The following RPS6KA2 variants were observed in gnomAD, a reference collection of about 807,000 sequenced individuals.
The protein encoded by RPS6KA2 is ribosomal protein S6 kinase alpha-2.
A neutral mutation model predicts 91.8 loss-of-function variants in RPS6KA2; 42 were observed. The observed-to-expected ratio is 0.46, with a 90% CI of 0.36 to 0.59. The LOEUF is 0.59. RPS6KA2 is among the 20% of genes least tolerant of loss of function. The pLI is 0.00. For missense variants in RPS6KA2, 798 were observed against 978.5 expected (o/e 0.82, Z 2.46); for synonymous variants, 414 against 393.6 (o/e 1.05, Z -0.61).
chr6:166,774,105 C>T (rs960818666), intron 2 of RPS6KA2, among the ~76,000 whole-genome samples: 1 of 152,240 alleles, frequency 6.6e-6, no homozygotes, highest in African/African-American at 2.4e-5. Flanking sequence ...CAGGCACCAT[C>T]GCTTTCACGG....
At chr6:166,838,595 G>C (rs982434851) in intron 2 of RPS6KA2, among the ~76,000 whole-genome samples, 2 of 152,124 alleles carry the variant, frequency 1.3e-5, no homozygotes, top group African/African-American at 4.8e-5. Context: ...AATCAGAATG[G>C]AACCAACAAG....
intron 1 of RPS6KA2, among the ~76,000 whole-genome samples, chr6:166,551,274 T>C (rs1181581605): frequency 6.6e-6 from 1 of 152,214 alleles, no homozygotes; most frequent in Non-Finnish European, 1.5e-5. Flanking sequence ...ATAAATGAGA[T>C]AATTGGGGCA....
intron 1 of RPS6KA2, among the ~76,000 whole-genome samples, chr6:166,609,551 A>T (rs571753389): frequency 2.0e-5 from 3 of 146,684 alleles, no homozygotes; most frequent in African/African-American, 7.6e-5. Flanking sequence ...CTTGTTGCCC[A>T]GGCTGGAGTG....
chr6:166,656,254 C>T (rs370457370), intron 2 of RPS6KA2, among the ~76,000 whole-genome samples: 1 of 120,292 alleles, frequency 8.3e-6, no homozygotes, highest in Non-Finnish European at 2.0e-5. Context: ...CTGGCGTTAG[C>T]GGTCTCTGAG....
intron 7 of RPS6KA2, among the ~76,000 whole-genome samples, chr6:166,499,090 C>T (rs1025077816): frequency 7.2e-5 from 11 of 152,120 alleles, no homozygotes; most frequent in Admixed American, 2.6e-4. Context: ...CAGAGTGTGG[C>T]GAACCTGCCC....
chr6:166,453,094 G>T (rs1171196638), intron 12 of RPS6KA2, among the ~76,000 whole-genome samples: 1 of 151,996 alleles, frequency 6.6e-6, no homozygotes, highest in East Asian at 1.9e-4. Context: ...CCAGCTGCTT[G>T]GGAGGCTGAG....
intron 2 of RPS6KA2, among the ~76,000 whole-genome samples, chr6:166,785,328 G>A (rs946066951): frequency 1.3e-5 from 2 of 152,176 alleles, no homozygotes; most frequent in African/African-American, 4.8e-5. Flanking sequence ...CAGTTCTGCC[G>A]GCCTCAGTCT....
chr6:166,432,213 G>A (rs571094989), intron 15 of RPS6KA2, among the ~76,000 whole-genome samples, 188 bp downstream of exon 15: 5 of 152,150 alleles, frequency 3.3e-5, no homozygotes, highest in East Asian at 1.9e-4. Context: ...TGACTGGGGC[G>A]GTGGCTGTCA....
Position 166,430,453 on chromosome 6 carries a change from C to T in RPS6KA2, c.1581G>A (p.Gly527=). 1.2e-6 allele frequency: 2 copies of T among 1,610,242 alleles called. No homozygotes were observed. Among genetic ancestry groups the T allele is most frequent in the South Asian group, 2.2e-5 (2 of 90,566 alleles). The change falls in exon 16 of 21, where the codon GGG becomes GGA. Residue 527 remains glycine (G), a splice_region_variant and synonymous_variant. Transcript: ENST00000265678. ...TKTMDYLHSQ[G]VVHRDLKPSN... ...AGGCTGCCCCAGGCATGGCTCCTAC[C>T]CCCTGGGAATGGAGGTAGTCCATGG... is the stretch of plus-strand genomic sequence containing the variant.
intron 3 of RPS6KA2, among the ~76,000 whole-genome samples, chr6:166,519,454 A>G (rs1286103590): frequency 6.6e-6 from 1 of 152,226 alleles, no homozygotes; most frequent in Non-Finnish European, 1.5e-5. Flanking sequence ...TTAGCCCTCT[A>G]TTTGTGGCCA....
chr6:166,578,123 C>A (rs1784895810), intron 1 of RPS6KA2, among the ~76,000 whole-genome samples: 1 of 152,188 alleles, frequency 6.6e-6, no homozygotes, highest in South Asian at 2.1e-4. Flanking sequence ...ACCTCTTTTT[C>A]TTCCCAGTCT....
At chr6:166,812,387 G>A (rs7745283) in intron 2 of RPS6KA2, among the ~76,000 whole-genome samples, 3,520 of 152,270 alleles carry the variant, frequency 0.023, 148 homozygotes, top group African/African-American at 0.08. Flanking sequence ...TGGGCTCCCA[G>A]ATGTTGGCAG....
chr6:166,646,526 G>A (rs1787606027), intron 2 of RPS6KA2, among the ~76,000 whole-genome samples: 1 of 152,242 alleles, frequency 6.6e-6, no homozygotes, highest in South Asian at 2.1e-4. Context: ...CATCTGTGCA[G>A]CGCAAGGGCC....
At chr6:166,474,615 G>A (rs781594281) in intron 10 of RPS6KA2, among the ~76,000 whole-genome samples, 1 of 96,642 alleles carries the variant, frequency 1.0e-5, no homozygotes, top group Non-Finnish European at 1.8e-5. Context: ...CTCCTGTCCT[G>A]GGGGGGAAGT....
intron 1 of RPS6KA2, among the ~76,000 whole-genome samples, chr6:166,604,600 C>A (rs189179207): frequency 1.8e-4 from 28 of 152,308 alleles, no homozygotes; most frequent in African/African-American, 6.0e-4. Flanking sequence ...CTTACCTGAG[C>A]ATCAGAGTTT....
chr6:166,446,110 AC>A (rs1366075573), intron 14 of RPS6KA2, among the ~76,000 whole-genome samples: 1 of 152,264 alleles, frequency 6.6e-6, no homozygotes, highest in Non-Finnish European at 1.5e-5. Context: ...AGTTTTGGTA[AC>A]AAGTGGACCC....
chr6:166,480,245 G>T (rs73253217), intron 10 of RPS6KA2, among the ~76,000 whole-genome samples: 2,144 of 151,948 alleles, frequency 0.014, 47 homozygotes, highest in African/African-American at 0.049. Context: ...GTGCTAACTT[G>T]AGAGGTAAAA....
chr6:166,490,783 T>G lies in RPS6KA2; in HGVS notation c.748-42A>C. On this transcript the variant is annotated intron_variant, in intron 8 of 20. Coordinates refer to ENST00000265678, the MANE Select transcript of RPS6KA2 (RefSeq NM_021135.6). The surrounding 1 kb of genome is among the most constrained non-coding windows in gnomAD (Gnocchi z 4.2). ...AGCACAGTGAGTTCATTCATCCAGA[T>G]GGACCCGGCTTCACGGCAGAGTACC... The G allele has an allele frequency of 6.6e-7, 1 of 1,504,706 alleles. No homozygotes were observed. The highest frequency in any genetic ancestry group is 9.2e-7 in the Non-Finnish European group (1 of 1,087,042). The allele number at this position is 1,504,706 out of a possible 1,614,324, so 93.2% of individuals were successfully genotyped here. A position where few individuals can be genotyped will look rare whatever the true frequency, so the allele number is the denominator to read the frequency against.
intron 1 of RPS6KA2, among the ~76,000 whole-genome samples, chr6:166,551,295 A>G (rs1784016946): frequency 6.6e-6 from 1 of 152,230 alleles, no homozygotes; most frequent in Non-Finnish European, 1.5e-5. Context: ...ATGGAAGAGA[A>G]CTACTTCTGC....
Sources: allele counts gnomAD v4.1 joint callset (sites outside exome capture counted in the v4.1 genomes callset), GRCh38; gene constraint gnomAD v4.1.1; non-coding constraint Gnocchi (gnomAD v3.1); transcripts MANE v1.5; gene names NCBI Gene and HGNC (gene_info 2026-07-23, HGNC 2026-07-21).